CFAP44: variants seen among roughly 807,000 people sequenced by gnomAD.
The protein encoded by CFAP44 is cilia- and flagella-associated protein 44.
A neutral mutation model predicts 216.2 loss-of-function variants in CFAP44; 134 were observed. That is an observed-to-expected ratio of 0.62 (90% CI 0.54 to 0.72). The LOEUF (loss-of-function observed/expected upper bound fraction) is 0.72. CFAP44 is among the 30% of genes least tolerant of loss of function. The pLI is 0.00. For synonymous variants in CFAP44, 700 were observed against 727.6 expected, an observed-to-expected ratio of 0.96 and a Z score of 0.61; for missense variants, 2,035 against 2,182.1, an observed-to-expected ratio of 0.93 and a Z score of 1.34.
At chr3:113,311,773 G>T (rs1208461514) in intron 28 of CFAP44, among the ~76,000 whole-genome samples, 2 of 152,162 alleles carry the variant, frequency 1.3e-5, no homozygotes, top group African/African-American at 4.8e-5. Context: ...ACTTCCTAAA[G>T]ATTTGTTGAA....
At chr3:113,331,355 G>A (rs185517461) in intron 25 of CFAP44, among the ~76,000 whole-genome samples, 23 of 151,968 alleles carry the variant, frequency 1.5e-4, no homozygotes, top group African/African-American at 4.6e-4. Context: ...ATGCCATTCT[G>A]AGAGCCTGAG....
chr3:113,308,125 T>C (rs769774506), intron 29 of CFAP44, 33 bp downstream of exon 29: 16 of 1,489,956 alleles, frequency 1.1e-5, no homozygotes, highest in African/African-American at 1.4e-5. Context: ...ATATTCACAC[T>C]TCACAGAGAA....
intron 1 of CFAP44, chr3:113,434,576 T>C (rs555844437): frequency 7.2e-5 from 11 of 152,200 alleles, no homozygotes; most frequent in Non-Finnish European, 1.6e-4. Flanking sequence ...CAGCTTTTCA[T>C]ATATTTGAAA....
At chr3:113,317,880 G>A (rs969382498) in intron 28 of CFAP44, among the ~76,000 whole-genome samples, 2 of 152,198 alleles carry the variant, frequency 1.3e-5, no homozygotes, top group African/African-American at 4.8e-5. Flanking sequence ...AAAAACACAG[G>A]CACAGTGCCA....
chr3:113,354,554 G>A (rs1043604911), intron 22 of CFAP44, among the ~76,000 whole-genome samples: 1 of 152,138 alleles, frequency 6.6e-6, no homozygotes, highest in Non-Finnish European at 1.5e-5. Flanking sequence ...ACTCAGCAGA[G>A]GCAGCCATAA....
Position 113,296,575 on chromosome 3 carries a change from G to A in CFAP44, c.5238+150C>T, listed in dbSNP as rs1436580837. The stretch of plus-strand genomic sequence containing the variant: ...TAACTAAGTGAACAGTAAAGAAGCC[G>A]AGACAAGGCCTAAGATCCTGGGGCA... On this transcript the variant is annotated intron_variant, in intron 33 of 34. Coordinates refer to ENST00000393845, the MANE Select transcript of CFAP44 (RefSeq NM_001164496.2). The A allele has an allele frequency of 2.9e-5, 24 of 820,182 alleles. No homozygotes were observed. In the South Asian group the frequency reaches 3.3e-4, roughly 11 times the overall value. 50.8% of individuals were successfully genotyped at this position (820,182 alleles called of 1,614,324 possible).
At chr3:113,418,711 G>T (rs924416064) in intron 5 of CFAP44, among the ~76,000 whole-genome samples, 12 of 151,544 alleles carry the variant, frequency 7.9e-5, no homozygotes, top group Non-Finnish European at 1.2e-4. Flanking sequence ...TTTGTTTTTT[G>T]GGTTTTTTTT....
chr3:113,417,623 C>T (rs552955126), intron 5 of CFAP44, among the ~76,000 whole-genome samples: 1 of 152,238 alleles, frequency 6.6e-6, no homozygotes, highest in South Asian at 2.1e-4. Context: ...TCCTGGTACC[C>T]AAGATAACAT....
At chr3:113,412,527 C>A (rs1934514776) in intron 6 of CFAP44, among the ~76,000 whole-genome samples, 1 of 151,778 alleles carries the variant, frequency 6.6e-6, no homozygotes, top group African/African-American at 2.4e-5. Context: ...TTCCCCTCAC[C>A]CCCACCCCCC....
chr3:113,420,464 G>A (rs1934784929), intron 4 of CFAP44, among the ~76,000 whole-genome samples: 1 of 152,038 alleles, frequency 6.6e-6, no homozygotes, highest in South Asian at 2.1e-4. Flanking sequence ...ATTTTCCTGG[G>A]GAAATCCTGA....
intron 22 of CFAP44, among the ~76,000 whole-genome samples, chr3:113,345,704 A>AT (rs1950374803): frequency 6.6e-6 from 1 of 152,064 alleles, no homozygotes. Flanking sequence ...TAATTAACAA[A>AT]TTTTTTTCAT....
At chr3:113,322,415 A>G (rs934221401) in intron 28 of CFAP44, among the ~76,000 whole-genome samples, 7 of 152,242 alleles carry the variant, frequency 4.6e-5, no homozygotes, top group African/African-American at 1.7e-4. Context: ...ACTCTATTAA[A>G]CAATGGGCAA....
At chr3:113,424,388 A>T (rs1424895335) in intron 4 of CFAP44, among the ~76,000 whole-genome samples, 3 of 152,232 alleles carry the variant, frequency 2.0e-5, no homozygotes, top group Non-Finnish European at 4.4e-5. Context: ...GTAAGCAGAG[A>T]TCGTGCCATT....
At chr3:113,346,176 C>T (rs896008996) in intron 22 of CFAP44, among the ~76,000 whole-genome samples, 3 of 152,136 alleles carry the variant, frequency 2.0e-5, no homozygotes, top group Non-Finnish European at 4.4e-5. Context: ...CACCAATCAG[C>T]GCTCTGTGTC....
chr3:113,373,658 T>C (rs1933244892), intron 17 of CFAP44, 102 bp from the exon 18 acceptor site: 3 of 1,044,110 alleles, frequency 2.9e-6, no homozygotes, highest in Non-Finnish European at 3.8e-6. Context: ...ATAAAATAGA[T>C]GTTTTCAAAC....
chr3:113,429,276 T>C (rs1935041126), intron 2 of CFAP44, among the ~76,000 whole-genome samples: 1 of 152,102 alleles, frequency 6.6e-6, no homozygotes, highest in Non-Finnish European at 1.5e-5. Context: ...TTTTGCTTTG[T>C]GTATTATGAT....
rs564686220 is a variant in CFAP44 at position 113,333,483 on chromosome 3, G to A, written c.3538C>T (p.Pro1180Ser). 1 of 1,536,802 alleles carries A rather than the reference G, an allele frequency of 6.5e-7. No individual in the cohort carries two copies. The highest frequency in any genetic ancestry group is 2.4e-5 in the East Asian group (1 of 40,892). ...YMGDFNLKTA[P>S]DYKIPEHMRI... ...ATGTGCTCAGGTATCTTGTAGTCTG[G>A]GGCTGTCTTCAGATTGAAATCTCCC... The change falls in exon 25 of 35, where the codon CCA becomes TCA. Residue 1180 changes from proline to serine, a missense_variant. Transcript: ENST00000393845.
chr3:113,427,536 C>T (rs933789486), intron 2 of CFAP44, 197 bp from the exon 3 acceptor site: 7 of 483,908 alleles, frequency 1.4e-5, no homozygotes, highest in Admixed American at 4.1e-5. Flanking sequence ...TTGTTAATCT[C>T]CATTTTCACT....
intron 15 of CFAP44, among the ~76,000 whole-genome samples, chr3:113,383,076 T>C (rs1437198712): frequency 1.3e-5 from 2 of 152,220 alleles, no homozygotes; most frequent in Admixed American, 6.5e-5. Flanking sequence ...TAGGCAAATA[T>C]AAAGTAGTTG....
Sources: gnomAD v4.1 joint callset for allele counts (sites outside exome capture counted in the v4.1 genomes callset) on GRCh38, gnomAD v4.1.1 for gene constraint, MANE v1.5 for transcripts, NCBI Gene and HGNC (gene_info 2026-07-23, HGNC 2026-07-21) for gene names.